USP13: variants seen among roughly 807,000 people sequenced by gnomAD.
USP13 encodes ubiquitin carboxyl-terminal hydrolase 13.
In USP13, 68 loss-of-function variants were observed where a neutral mutation model predicts 107.8. That is an observed-to-expected ratio of 0.63 (90% CI 0.52 to 0.77). The LOEUF is 0.77. Among genes scored for constraint, USP13 ranks in the 30% least tolerant of loss-of-function variants. The probability of loss-of-function intolerance (pLI) is 0.00; values close to 1 mark genes in which losing one functional copy is unlikely to be tolerated. For synonymous variants in USP13, 377 were observed against 389.5 expected, an observed-to-expected ratio of 0.97 and a Z score of 0.38; for missense variants, 945 against 1,093.3, an observed-to-expected ratio of 0.86 and a Z score of 1.91.
rs1713326427 is a variant in USP13, at chr3:179,721,711, C to G, written c.1088+122C>G. 6 of 1,037,516 alleles carry G rather than the reference C, an allele frequency of 5.8e-6. No homozygotes were observed. The South Asian group carries it at 6.6e-5, about 11-fold the overall frequency. The allele number at this position is 1,037,516 out of a possible 1,614,324, so 64.3% of individuals were successfully genotyped here. A position where few individuals can be genotyped will look rare whatever the true frequency, so the allele number is the denominator to read the frequency against. On this transcript the variant is annotated intron_variant, in intron 8 of 20. Transcript: ENST00000263966. This position sits in a 1 kb window ranked among gnomAD's most constrained non-coding sequence, Gnocchi z 4.3. ...TTCAGGACATTTTGCCACCTTTTCT[C>G]TGGCCTGCCTTCTACAGAGACTGGG... is the stretch of plus-strand genomic sequence containing the variant.
chr3:179,779,266 G>A (rs931583328), intron 19 of USP13, among the ~76,000 whole-genome samples: 5 of 151,928 alleles, frequency 3.3e-5, no homozygotes, highest in African/African-American at 9.7e-5. Flanking sequence ...TGGCGCGGTG[G>A]CTCATGCCTG....
intron 1 of USP13, among the ~76,000 whole-genome samples, chr3:179,665,966 G>A (rs1432626126): frequency 6.6e-6 from 1 of 152,198 alleles, no homozygotes; most frequent in Non-Finnish European, 1.5e-5. Flanking sequence ...ACAAAATCTA[G>A]TAGAGTTACT....
intron 1 of USP13, among the ~76,000 whole-genome samples, chr3:179,656,048 GA>G (rs1344226790): frequency 6.6e-6 from 1 of 152,044 alleles, no homozygotes; most frequent in African/African-American, 2.4e-5. Flanking sequence ...CAGCTGAGTG[GA>G]AAAAAGAAAT....
At chr3:179,733,928 T>A (rs1463774340) in intron 10 of USP13, among the ~76,000 whole-genome samples, 1 of 152,182 alleles carries the variant, frequency 6.6e-6, no homozygotes, top group Non-Finnish European at 1.5e-5. Context: ...GTGTTTTTGA[T>A]CACCGCATTA....
intron 8 of USP13, among the ~76,000 whole-genome samples, chr3:179,725,564 A>C (rs950225943): frequency 2.0e-5 from 3 of 152,180 alleles, no homozygotes; most frequent in African/African-American, 4.8e-5. Flanking sequence ...AGTTTCTAGT[A>C]GTTAGGGAAT....
At chr3:179,683,811 T>C (rs1711761006) in intron 2 of USP13, among the ~76,000 whole-genome samples, 1 of 152,242 alleles carries the variant, frequency 6.6e-6, no homozygotes, top group Admixed American at 6.5e-5. Flanking sequence ...ACGTGACTGT[T>C]TTAACATTTT....
intron 19 of USP13, among the ~76,000 whole-genome samples, chr3:179,774,289 A>G (rs1026678295): frequency 2.0e-5 from 3 of 152,180 alleles, no homozygotes; most frequent in Non-Finnish European, 2.9e-5. Context: ...ACCTCCCACT[A>G]TGTCCGGAAT....
chr3:179,655,548 G>GTTTTTTTTTTTTTT lies in USP13; in HGVS notation c.168+2163_168+2164insTTTTTTTTTTTTTT, dbSNP rs150977876. 2.4e-4 allele frequency among the ~76,000 whole-genome samples: 32 copies of GTTTTTTTTTTTTTT among 131,396 alleles called. 3 individuals are homozygous for GTTTTTTTTTTTTTT. The highest frequency in any genetic ancestry group is 9.4e-4 in the African/African-American group (28 of 29,942). 86.2% of individuals were successfully genotyped at this position (131,396 alleles called of 152,430 possible). ...AAGCACAGTGCGTGATAATGGGAAG[G>GTTTTTTTTTTTTTT]TTTTTTTTGTTTTGTTTTGTTTTTT... On this transcript the variant is annotated intron_variant, in intron 1 of 20. Coordinates refer to ENST00000263966, the MANE Select transcript of USP13 (RefSeq NM_003940.3).
At chr3:179,676,483 A>T (rs1426253073) in intron 1 of USP13, among the ~76,000 whole-genome samples, 3 of 152,150 alleles carry the variant, frequency 2.0e-5, no homozygotes, top group African/African-American at 7.2e-5. Context: ...CAAGAAGCTT[A>T]GCTTGATTGT....
chr3:179,681,723 T>C (rs752126645), intron 1 of USP13, among the ~76,000 whole-genome samples, 155 bp from the exon 2 acceptor site: 4 of 152,060 alleles, frequency 2.6e-5, no homozygotes, highest in Non-Finnish European at 4.4e-5. Flanking sequence ...ACAGAGTCAC[T>C]TGGGTTAAAA....
rs1365793917 is a variant in USP13 at position 179,785,140 on chromosome 3, A to G, written c.*999A>G. 1 of 152,176 alleles carries G rather than the reference A, an allele frequency of 6.6e-6. No homozygotes were observed. Among genetic ancestry groups the G allele is most frequent in the African/African-American group, 2.4e-5 (1 of 41,436 alleles). The allele number at this position is 152,176 out of a possible 1,614,324, so 9.4% of individuals were successfully genotyped here. A position where few individuals can be genotyped will look rare whatever the true frequency, so the allele number is the denominator to read the frequency against. ...AGCTAATCTCTTTTTACCATCTCAC[A>G]TGATAACTCTTTGGAGTCATGTCAA... On this transcript the variant is annotated 3_prime_UTR_variant, in exon 21 of 21. Coordinates refer to ENST00000263966, the MANE Select transcript of USP13 (RefSeq NM_003940.3).
intron 10 of USP13, among the ~76,000 whole-genome samples, chr3:179,737,025 A>T (rs1388463672): frequency 6.6e-6 from 1 of 152,234 alleles, no homozygotes; most frequent in Non-Finnish European, 1.5e-5. Context: ...TGGTGCCTCC[A>T]TACTCTTCAA....
chr3:179,702,184 G>T (rs994984705), intron 4 of USP13, among the ~76,000 whole-genome samples: 9 of 151,956 alleles, frequency 5.9e-5, no homozygotes, highest in Non-Finnish European at 1.2e-4. Flanking sequence ...CACGCCTAGA[G>T]ATTTTTTTGT....
chr3:179,781,933 G>A (rs1374863340), intron 20 of USP13, 110 bp downstream of exon 20: 3 of 979,596 alleles, frequency 3.1e-6, no homozygotes, highest in African/African-American at 1.6e-5. Flanking sequence ...TCTCACATTG[G>A]TCTTGTAAAG....
rs191787595 is a variant in USP13 at position 179,779,584 on chromosome 3, G to A, written c.2414-2155G>A. Among the ~76,000 whole-genome samples the A allele has an allele frequency of 1.2e-3, 175 of 152,074 alleles. 2 individuals carry two copies. Among genetic ancestry groups the A allele is most frequent in the African/African-American group, 3.8e-3 (156 of 41,512 alleles). ...AGAGTGCAGCCAGAAAGGCAGCTGC[G>A]CCCTCACACGTTCATGGGCAACCTG... is the stretch of plus-strand genomic sequence containing the variant. On this transcript the variant is annotated intron_variant, in intron 19 of 20. Transcript: ENST00000263966.
intron 13 of USP13, among the ~76,000 whole-genome samples, chr3:179,750,741 G>A (rs1421744367): frequency 6.6e-6 from 1 of 152,166 alleles, no homozygotes; most frequent in Non-Finnish European, 1.5e-5. Flanking sequence ...TGCGCCAAGC[G>A]GTTTCACATC....
chr3:179,722,928 T>C (rs1713377877), intron 8 of USP13, among the ~76,000 whole-genome samples: 1 of 152,220 alleles, frequency 6.6e-6, no homozygotes, highest in Admixed American at 6.5e-5. Flanking sequence ...GGACAGCAGC[T>C]ATGTCTGTGG....
At chr3:179,701,515 A>G (rs1195846995) in intron 4 of USP13, among the ~76,000 whole-genome samples, 1 of 152,182 alleles carries the variant, frequency 6.6e-6, no homozygotes, top group Non-Finnish European at 1.5e-5. Context: ...GAAGGATAAC[A>G]GTCTTTTTAT....
rs1201242385 is a variant in USP13 at position 179,688,917 on chromosome 3, C to G, written c.295-1324C>G. 2.0e-5 allele frequency among the ~76,000 whole-genome samples: 3 copies of G among 152,182 alleles called. No homozygotes were observed. The East Asian group carries it at 5.8e-4, about 29-fold the overall frequency. ...AAGAGAGGAGATGTGCATTTGGCAT[C>G]AGTATTTGGAGGGACAGGTTTTTGA... On this transcript the variant is annotated intron_variant, in intron 2 of 20. Transcript: ENST00000263966.
Sources: allele counts gnomAD v4.1 joint callset (sites outside exome capture counted in the v4.1 genomes callset), GRCh38; gene constraint gnomAD v4.1.1; non-coding constraint Gnocchi (gnomAD v3.1); transcripts MANE v1.5; gene names NCBI Gene and HGNC (gene_info 2026-07-23, HGNC 2026-07-21).